Variants in CTDSP2 observed in about 807,000 individuals in gnomAD.
The protein encoded by CTDSP2 is carboxy-terminal domain RNA polymerase II polypeptide A small phosphatase 2.
In CTDSP2, 9 loss-of-function variants were observed where a neutral mutation model predicts 31.6. That is an observed-to-expected ratio of 0.28 (90% CI 0.17 to 0.50). CTDSP2 has a LOEUF of 0.50. Among genes scored for constraint, CTDSP2 ranks in the 20% least tolerant of loss-of-function variants. The pLI is 0.98. For synonymous variants in CTDSP2, 134 were observed against 134.5 expected, an observed-to-expected ratio of 1.00 and a Z score of 0.03; for missense variants, 267 against 348.5, an observed-to-expected ratio of 0.77 and a Z score of 1.86.
At chr12:57,832,578 G>A (rs1956222221) in intron 1 of CTDSP2, among the ~76,000 whole-genome samples, 1 of 152,004 alleles carries the variant, frequency 6.6e-6, no homozygotes, top group African/African-American at 2.4e-5. Flanking sequence ...GATCGCCTGA[G>A]GTCAGGAGTT....
intron 1 of CTDSP2, among the ~76,000 whole-genome samples, chr12:57,840,200 C>T (rs911887938): frequency 3.3e-5 from 5 of 152,252 alleles, no homozygotes; most frequent in Non-Finnish European, 5.9e-5. Flanking sequence ...CCTGCCCATG[C>T]GCTGATTCAG....
Position 57,824,068 on chromosome 12 carries a change from G to C in CTDSP2, c.526C>G (p.Leu176Val). The change falls in exon 7 of 8, where the codon CTG (leucine) becomes GTG (valine). Residue 176 changes from leucine to valine, a missense_variant. Leu to Val is a conservative substitution (Grantham distance 32). Coordinates refer to ENST00000398073, the MANE Select transcript of CTDSP2 (RefSeq NM_005730.4). ...CGGAACACCCCACACCGGTCCAGCA[G>C]GTCTGTCACAGGGTCGGCATACTAG... ...LAKYADPVTD[L>V]LDRCGVFRAR... 6.2e-7 allele frequency: 1 copy of C among 1,614,058 alleles called. No individual in the cohort carries two copies. Among genetic ancestry groups the C allele is most frequent in the Non-Finnish European group, 8.5e-7 (1 of 1,179,988 alleles).
chr12:57,823,470 T>C lies in CTDSP2; in HGVS notation c.*132A>G, dbSNP rs997511913. 9.2e-7 allele frequency: 1 copy of C among 1,087,524 alleles called. No individual in the cohort carries two copies. Among genetic ancestry groups the C allele is most frequent in the Non-Finnish European group, 1.3e-6 (1 of 760,384 alleles). 67.4% of individuals were successfully genotyped at this position (1,087,524 alleles called of 1,614,324 possible). A position where few individuals can be genotyped will look rare whatever the true frequency, so the allele number is the denominator to read the frequency against. ...CGGCATCTAAGCTGTCCTAAAGCTC[T>C]TTCCAGTTACTTCCCGCTGTTTCCG... is the stretch of plus-strand genomic sequence containing the variant. On this transcript the variant is annotated 3_prime_UTR_variant, in exon 8 of 8. Transcript: ENST00000398073.
intron 1 of CTDSP2, among the ~76,000 whole-genome samples, chr12:57,840,101 T>C (rs1216225209): frequency 2.0e-5 from 3 of 151,370 alleles, no homozygotes; most frequent in Non-Finnish European, 4.4e-5. Flanking sequence ...AACAGGCAGT[T>C]GGGGCCACTG....
chr12:57,823,822 G>T, intron 7 of CTDSP2, 82 bp downstream of exon 7: 2 of 1,607,956 alleles, frequency 1.2e-6, no homozygotes, highest in Non-Finnish European at 1.7e-6. Flanking sequence ...TCCTGGAGGG[G>T]TGTACTTCTC....
At chr12:57,835,535 G>A (rs1400222190) in intron 1 of CTDSP2, among the ~76,000 whole-genome samples, 1 of 152,180 alleles carries the variant, frequency 6.6e-6, no homozygotes, top group East Asian at 1.9e-4. Flanking sequence ...GCCCAACTAC[G>A]AGCTGCTCTC....
intron 1 of CTDSP2, among the ~76,000 whole-genome samples, chr12:57,835,328 C>CA (rs34407793): frequency 0.088 from 12,086 of 137,714 alleles, 578 homozygotes; most frequent in East Asian, 0.13. Flanking sequence ...AAATCCGTCT[C>CA]AAAAAAAAAA....
In CTDSP2 at chr12:57,821,554, GC is replaced by G. The variant is rs1242252761; in HGVS notation, c.*2047del. The G allele has an allele frequency of 2.0e-5, 3 of 152,638 alleles. No homozygotes were observed. The highest frequency in any genetic ancestry group is 2.9e-5 in the Non-Finnish European group (2 of 68,060). 9.5% of individuals were successfully genotyped at this position (152,638 alleles called of 1,614,324 possible). ...TAGACGGCAAAAGATTTGGCCAAGG[GC>G]TAACCCTTAGGGTGGGGCTTGGAAG... On this transcript the variant is annotated 3_prime_UTR_variant, in exon 8 of 8. Transcript: ENST00000398073.
In CTDSP2 at chr12:57,826,952, A is replaced by G. The variant is rs765909435; in HGVS notation, c.354+44T>C. Reference sequence around the variant, plus strand: ...ACACATCTGTTGCCAGATTCACAAGAAGGCCCAAGATAAAGGTAGGAAGGG... The same window carrying G: ...ACACATCTGTTGCCAGATTCACAAGGAGGCCCAAGATAAAGGTAGGAAGGG... On this transcript the variant is annotated intron_variant, in intron 4 of 7. Coordinates refer to ENST00000398073, the MANE Select transcript of CTDSP2 (RefSeq NM_005730.4). 13 of 1,429,332 alleles carry G rather than the reference A, an allele frequency of 9.1e-6. No individual in the cohort carries two copies. In the Admixed American group the frequency reaches 2.2e-4, roughly 24 times the overall value. 88.5% of individuals were successfully genotyped at this position (1,429,332 alleles called of 1,614,324 possible).
Position 57,820,518 on chromosome 12 carries a change from T to C in CTDSP2, c.*3084A>G, listed in dbSNP as rs1015372926. ...TCAGGAACAGGTAGGGGCAGCAGAA[T>C]AGAATAGCATCCATTTCCCAGAGAA... On this transcript the variant is annotated 3_prime_UTR_variant, in exon 8 of 8. Coordinates refer to ENST00000398073, the MANE Select transcript of CTDSP2 (RefSeq NM_005730.4). 6.6e-6 allele frequency: 1 copy of C among 152,422 alleles called. No homozygotes were observed. Among genetic ancestry groups the C allele is most frequent in the African/African-American group, 2.4e-5 (1 of 41,438 alleles). 9.4% of individuals were successfully genotyped at this position (152,422 alleles called of 1,614,324 possible). A position where few individuals can be genotyped will look rare whatever the true frequency, so the allele number is the denominator to read the frequency against.
chr12:57,824,570 T>C (rs371562774), intron 5 of CTDSP2: 4 of 654,790 alleles, frequency 6.1e-6, no homozygotes, highest in Non-Finnish European at 8.8e-6. Flanking sequence ...GCACACACCA[T>C]GTCCCAGGAG....
intron 1 of CTDSP2, among the ~76,000 whole-genome samples, chr12:57,841,100 G>A (rs557402579): frequency 2.0e-5 from 3 of 152,164 alleles, no homozygotes; most frequent in Non-Finnish European, 4.4e-5. Context: ...GTGCTCATCT[G>A]CATCCCAGTT....
intron 1 of CTDSP2, 131 bp downstream of exon 1, chr12:57,846,241 A>G: frequency 2.6e-6 from 2 of 777,036 alleles, no homozygotes; most frequent in Admixed American, 5.8e-5. Flanking sequence ...GGGCGGATGG[A>G]CCGGAGGGGT....
Position 57,823,874 on chromosome 12 carries a change from C to G in CTDSP2, c.690+30G>C. 1.9e-6 allele frequency: 3 copies of G among 1,612,772 alleles called. 1 individual carries two copies. Among genetic ancestry groups the G allele is most frequent in the South Asian group, 2.2e-5 (2 of 91,012 alleles). ...TCCAGTCTGCTTCCTCTCCCAATCC[C>G]TACCGTGGAGACGCATCAGGAGCAC... is the stretch of plus-strand genomic sequence containing the variant. On this transcript the variant is annotated intron_variant, in intron 7 of 7. Coordinates refer to ENST00000398073, the MANE Select transcript of CTDSP2 (RefSeq NM_005730.4).
intron 1 of CTDSP2, among the ~76,000 whole-genome samples, chr12:57,844,064 G>A (rs1350426032): frequency 2.6e-5 from 4 of 152,244 alleles, no homozygotes; most frequent in South Asian, 2.1e-4. Flanking sequence ...GCGTGATGGC[G>A]CGCGCCTGTA....
At chr12:57,838,255 C>T (rs1450147346) in intron 1 of CTDSP2, among the ~76,000 whole-genome samples, 1 of 152,150 alleles carries the variant, frequency 6.6e-6, no homozygotes, top group Non-Finnish European at 1.5e-5. Context: ...AGGAAGTGAT[C>T]TAATAGCCCA....
chr12:57,836,206 G>T (rs952064525), intron 1 of CTDSP2, among the ~76,000 whole-genome samples: 1 of 152,126 alleles, frequency 6.6e-6, no homozygotes, highest in Admixed American at 6.5e-5. Context: ...CTTCTCCCAA[G>T]TCCACAACAA....
At chr12:57,835,328 CAA>C (rs34407793) in intron 1 of CTDSP2, among the ~76,000 whole-genome samples, 2 of 137,856 alleles carry the variant, frequency 1.5e-5, no homozygotes, top group Non-Finnish European at 1.6e-5. Flanking sequence ...AAATCCGTCT[CAA>C]AAAAAAAAAA....
At chr12:57,843,877 T>C (rs1002110906) in intron 1 of CTDSP2, among the ~76,000 whole-genome samples, 12 of 152,166 alleles carry the variant, frequency 7.9e-5, no homozygotes, top group African/African-American at 2.9e-4. Flanking sequence ...AGGAAGAAAG[T>C]CTGTCTTCTC....
Sources: gnomAD v4.1 joint callset for allele counts (sites outside exome capture counted in the v4.1 genomes callset) on GRCh38, gnomAD v4.1.1 for gene constraint, MANE v1.5 for transcripts, NCBI Gene and HGNC (gene_info 2026-07-23, HGNC 2026-07-21) for gene names.